Variants in USP7 observed in about 807,000 individuals in gnomAD.
USP7 encodes ubiquitin C-terminal hydrolase 7.
In USP7, 9 loss-of-function variants were observed where a neutral mutation model predicts 162.9. The ratio of observed to expected loss-of-function variants is 0.06; its 90% confidence interval spans 0.03 to 0.10. USP7 has a LOEUF of 0.10. USP7 is among the 10% of genes least tolerant of loss of function. USP7 has a pLI of 1.00. For synonymous variants in USP7, 562 were observed against 475.9 expected, an observed-to-expected ratio of 1.18 and a Z score of -2.35; for missense variants, 715 against 1,373.7, an observed-to-expected ratio of 0.52 and a Z score of 7.58.
At chr16:8,920,499 T>G (rs953934937) in intron 4 of USP7, 52 bp from the exon 5 acceptor site, 2 of 1,466,102 alleles carry the variant, frequency 1.4e-6, no homozygotes, top group Non-Finnish European at 1.9e-6. Context: ...CACATTTTAT[T>G]CCCAAGAGAC....
At chr16:8,916,733 G>A (rs1161824010) in intron 7 of USP7, among the ~76,000 whole-genome samples, 177 bp from the exon 8 acceptor site, 3 of 152,186 alleles carry the variant, frequency 2.0e-5, no homozygotes, top group African/African-American at 7.2e-5. Flanking sequence ...TGGGGAAGTG[G>A]TGTTTCCAAG....
chr16:8,917,377 T>C (rs1897429553), intron 6 of USP7, among the ~76,000 whole-genome samples: 1 of 152,196 alleles, frequency 6.6e-6, no homozygotes, highest in Admixed American at 6.5e-5. Flanking sequence ...AAAATAAATT[T>C]TGAAAATCAC....
At chr16:8,963,058 G>GC (rs113915986) in intron 1 of USP7, 149 bp downstream of exon 1, 640,553 of 642,990 alleles carry the variant, frequency 1, 319,114 homozygotes, top group Non-Finnish European at 1. Flanking sequence ...TTGCAGCCTC[G>GC]CAGGCCGGGG....
intron 16 of USP7, among the ~76,000 whole-genome samples, chr16:8,902,876 C>CA (rs536407496): frequency 2.8e-4 from 42 of 148,530 alleles, no homozygotes; most frequent in East Asian, 1.8e-3. Context: ...AACTCTGTCT[C>CA]AAAAAAAAAG....
chr16:8,941,121 G>GC (rs138108712), intron 1 of USP7, among the ~76,000 whole-genome samples: 6 of 152,088 alleles, frequency 3.9e-5, no homozygotes, highest in Non-Finnish European at 7.4e-5. Flanking sequence ...AATTCACATG[G>GC]GGCCCATGCC....
At position 8,925,899 on chromosome 16, in the gene USP7, A is replaced by C. The variant is rs543414710; in HGVS notation, c.185-2486T>G. ...GCCAGGTGCGGTGGCTCACTCCTGT[A>C]ATCACAGCACTTTGGGAGGCAGAGG... On this transcript the variant is annotated intron_variant, in intron 2 of 30. Coordinates refer to ENST00000344836, the MANE Select transcript of USP7 (RefSeq NM_003470.3). Among the ~76,000 whole-genome samples, 21 of 152,338 alleles carry C rather than the reference A, an allele frequency of 1.4e-4. No homozygotes were observed. In the East Asian group the frequency reaches 2.9e-3, roughly 21 times the overall value.
intron 2 of USP7, among the ~76,000 whole-genome samples, chr16:8,928,911 G>T (rs895819138): frequency 1.3e-5 from 2 of 152,090 alleles, no homozygotes; most frequent in African/African-American, 4.8e-5. Context: ...TGTCATGACC[G>T]CAAGTGGAGG....
intron 10 of USP7, among the ~76,000 whole-genome samples, chr16:8,912,589 A>G (rs561530563): frequency 2.6e-4 from 39 of 152,202 alleles, no homozygotes; most frequent in Non-Finnish European, 5.3e-4. Flanking sequence ...TTAGTAGACA[A>G]GAGCATTATC....
intron 12 of USP7, among the ~76,000 whole-genome samples, chr16:8,907,860 A>T (rs1405131349): frequency 6.6e-6 from 1 of 152,258 alleles, no homozygotes; most frequent in Non-Finnish European, 1.5e-5. Flanking sequence ...AACTACTTGT[A>T]ACTGGCATAC....
chr16:8,938,217 A>C (rs1180789668), intron 1 of USP7, among the ~76,000 whole-genome samples: 1 of 152,160 alleles, frequency 6.6e-6, no homozygotes, highest in Admixed American at 6.5e-5. Context: ...GGATATTCCC[A>C]AAATAACCTG....
intron 21 of USP7, chr16:8,900,197 G>C (rs1596353613): frequency 3.1e-6 from 1 of 322,510 alleles, no homozygotes; most frequent in East Asian, 7.4e-5. Context: ...CATGAAGACA[G>C]ACTGAAATGA....
intron 23 of USP7, 125 bp from the exon 24 acceptor site, chr16:8,898,764 G>C: frequency 1.4e-6 from 1 of 738,744 alleles, no homozygotes; most frequent in Non-Finnish European, 2.1e-6. Context: ...CCTAGCATGG[G>C]GTTTAACTTA....
At chr16:8,948,059 T>C (rs1899366712) in intron 1 of USP7, among the ~76,000 whole-genome samples, 1 of 152,228 alleles carries the variant, frequency 6.6e-6, no homozygotes, top group Non-Finnish European at 1.5e-5. Flanking sequence ...GAAGACTGCA[T>C]GCCCTGCAGA....
intron 11 of USP7, among the ~76,000 whole-genome samples, chr16:8,910,255 G>A (rs578237920): frequency 6.6e-5 from 10 of 152,218 alleles, no homozygotes; most frequent in African/African-American, 1.9e-4. Flanking sequence ...CCACCTGGTC[G>A]CCCACCATGC....
At position 8,893,167 on chromosome 16, in the gene USP7, C is replaced by G. The variant is rs2061626547; in HGVS notation, c.*831G>C. Reference sequence around the variant, plus strand: ...TTTACAAAGTCGACAGCTTACTAACCACTAGTGAGCATGCCCTCTTGCTAA... The same window carrying G: ...TTTACAAAGTCGACAGCTTACTAACGACTAGTGAGCATGCCCTCTTGCTAA... On this transcript the variant is annotated 3_prime_UTR_variant, in exon 31 of 31. Coordinates refer to ENST00000344836, the MANE Select transcript of USP7 (RefSeq NM_003470.3). 6.6e-6 allele frequency: 1 copy of G among 152,144 alleles called. No individual in the cohort carries two copies. Among genetic ancestry groups the G allele is most frequent in the Admixed American group, 6.5e-5 (1 of 15,272 alleles). 9.4% of individuals were successfully genotyped at this position (152,144 alleles called of 1,614,324 possible). A position where few individuals can be genotyped will look rare whatever the true frequency, so the allele number is the denominator to read the frequency against.
At chr16:8,909,226 G>A (rs2061905800) in intron 11 of USP7, among the ~76,000 whole-genome samples, 3 of 152,152 alleles carry the variant, frequency 2.0e-5, no homozygotes, top group African/African-American at 4.8e-5. Flanking sequence ...ACGGCCAGGC[G>A]GTCAGGGGCC....
chr16:8,949,954 A>T (rs186027804), intron 1 of USP7, among the ~76,000 whole-genome samples: 1 of 152,352 alleles, frequency 6.6e-6, no homozygotes, highest in East Asian at 1.9e-4. Flanking sequence ...AGAATAGCAA[A>T]GGAAAACCCC....
intron 1 of USP7, among the ~76,000 whole-genome samples, chr16:8,952,190 T>C (rs902865082): frequency 1.3e-5 from 2 of 152,044 alleles, no homozygotes; most frequent in Non-Finnish European, 2.9e-5. Context: ...TTTGAGGCTA[T>C]AGTTAACGGT....
intron 1 of USP7, 126 bp downstream of exon 1, chr16:8,963,081 G>T: frequency 1.1e-6 from 1 of 874,794 alleles, no homozygotes. Flanking sequence ...GGGAGGCCAG[G>T]CCGAGGCCCG....
Sources: allele counts gnomAD v4.1 joint callset (sites outside exome capture counted in the v4.1 genomes callset), GRCh38; gene constraint gnomAD v4.1.1; transcripts MANE v1.5; gene names NCBI Gene and HGNC (gene_info 2026-07-23, HGNC 2026-07-21).